FHIT: variants seen among roughly 807,000 people sequenced by gnomAD.
The protein encoded by FHIT is bis(5'-adenosyl)-triphosphatase.
Under a neutral mutation model 17.9 loss-of-function variants are expected in FHIT, and 19 were observed. That is an observed-to-expected ratio of 1.06 (90% confidence interval 0.74 to 1.56). The LOEUF (loss-of-function observed/expected upper bound fraction) is 1.56, where lower values mean the gene tolerates loss of function less well. Ranked by LOEUF, FHIT falls within the 40% of genes most tolerant of loss-of-function variation. FHIT has a pLI of 0.00. For missense variants in FHIT, 248 were observed against 189.2 expected (o/e 1.31, Z -1.82); for synonymous variants, 81 against 69.7 (o/e 1.16, Z -0.81).
intron 4 of FHIT, among the ~76,000 whole-genome samples, chr3:60,766,845 T>G (rs1408718262): frequency 5.3e-5 from 8 of 152,102 alleles, no homozygotes; most frequent in African/African-American, 1.9e-4. Context: ...ACAAGATCCT[T>G]ATCCCTGAAG....
chr3:60,064,071 T>A (rs1056985147), intron 5 of FHIT, among the ~76,000 whole-genome samples: 3 of 152,092 alleles, frequency 2.0e-5, no homozygotes, highest in African/African-American at 7.2e-5. Flanking sequence ...CAGAAGAAAC[T>A]TCACAATGGT....
chr3:60,238,364 C>A (rs1704924937), intron 5 of FHIT, among the ~76,000 whole-genome samples: 1 of 145,118 alleles, frequency 6.9e-6, no homozygotes, highest in Non-Finnish European at 1.5e-5. Context: ...TGTTTTAAAA[C>A]TATCCTATCT....
chr3:60,569,607 G>C (rs772879713), intron 4 of FHIT, among the ~76,000 whole-genome samples: 21 of 151,332 alleles, frequency 1.4e-4, no homozygotes, highest in Non-Finnish European at 2.9e-4. Context: ...TATTCCATCT[G>C]GCTAGCTAGG....
At chr3:60,243,821 G>A (rs1705255481) in intron 5 of FHIT, among the ~76,000 whole-genome samples, 1 of 151,972 alleles carries the variant, frequency 6.6e-6, no homozygotes, top group Non-Finnish European at 1.5e-5. Flanking sequence ...TTTAAAGCCA[G>A]GAAAGGAGAT....
rs113907007 is a variant in FHIT at position 59,820,505 on chromosome 3, A to G, written c.349-68184T>C. Among the ~76,000 whole-genome samples, 1,017 of 152,340 alleles carry G rather than the reference A, an allele frequency of 6.7e-3. 8 individuals carry two copies. Among genetic ancestry groups the G allele is most frequent in the African/African-American group, 0.023 (962 of 41,572 alleles). On this transcript the variant is annotated intron_variant, in intron 8 of 9. Coordinates refer to ENST00000492590, the MANE Select transcript of FHIT (RefSeq NM_002012.4). ...AAAATGTCTCACGATTTAGAACAGG[A>G]TGGGACAAACTACATCCCATGAACC...
chr3:60,550,331 GA>G (rs2036504013), intron 4 of FHIT, among the ~76,000 whole-genome samples: 2 of 70,852 alleles, frequency 2.8e-5, no homozygotes, highest in Non-Finnish European at 5.9e-5. Flanking sequence ...GAGGATCCTA[GA>G]AGAAGATAAC....
At chr3:60,864,360 G>A (rs1704065335) in intron 3 of FHIT, among the ~76,000 whole-genome samples, 1 of 152,158 alleles carries the variant, frequency 6.6e-6, no homozygotes, top group Admixed American at 6.6e-5. Context: ...CTATCGGTAA[G>A]TGGTGGAGCT....
At chr3:60,400,231 C>G (rs1309824999) in intron 5 of FHIT, among the ~76,000 whole-genome samples, 1 of 152,042 alleles carries the variant, frequency 6.6e-6, no homozygotes, top group Non-Finnish European at 1.5e-5. Flanking sequence ...GATACTATAG[C>G]AGGGTAAGAA....
At chr3:60,161,013 T>C (rs1353197426) in intron 5 of FHIT, among the ~76,000 whole-genome samples, 2 of 152,206 alleles carry the variant, frequency 1.3e-5, no homozygotes, top group African/African-American at 2.4e-5. Context: ...GTATTTCTTT[T>C]GTAAAATTCT....
At chr3:60,620,585 GAAAAAA>G (rs562373515) in intron 4 of FHIT, among the ~76,000 whole-genome samples, 3 of 134,184 alleles carry the variant, frequency 2.2e-5, no homozygotes, top group Non-Finnish European at 4.8e-5. Flanking sequence ...GGATACATTG[GAAAAAA>G]AAAAAAAACT....
rs969987270 is a variant in FHIT, at chr3:60,755,888, A to T, written c.-18+66031T>A. On this transcript the variant is annotated intron_variant, in intron 4 of 9. Transcript: ENST00000492590. ...GGTTTGAATGGAACTGATTTGAATCATTTAAGGAAAAAGGTTCCAGACAAA... is the reference window on the plus strand; with the variant it reads ...GGTTTGAATGGAACTGATTTGAATCTTTTAAGGAAAAAGGTTCCAGACAAA... Among the ~76,000 whole-genome samples the T allele has an allele frequency of 3.3e-5, 5 of 152,360 alleles. No homozygotes were observed. In the South Asian group the frequency reaches 1.0e-3, roughly 32 times the overall value.
At chr3:60,441,890 G>C (rs1183241844) in intron 5 of FHIT, among the ~76,000 whole-genome samples, 2 of 137,172 alleles carry the variant, frequency 1.5e-5, no homozygotes, top group Non-Finnish European at 3.1e-5. Flanking sequence ...ACAAGGACTC[G>C]CTCTGTCACC....
intron 2 of FHIT, among the ~76,000 whole-genome samples, chr3:61,169,895 G>C (rs949218797): frequency 6.6e-6 from 1 of 152,140 alleles, no homozygotes; most frequent in Non-Finnish European, 1.5e-5. Context: ...CTACTAAGAG[G>C]AGTAAGGGAA....
intron 4 of FHIT, among the ~76,000 whole-genome samples, chr3:60,741,472 G>A (rs2042240115): frequency 6.6e-6 from 1 of 152,228 alleles, no homozygotes; most frequent in Admixed American, 6.5e-5. Context: ...ACTGACCAAT[G>A]AGAAAGGTGT....
intron 4 of FHIT, among the ~76,000 whole-genome samples, chr3:60,624,491 T>C (rs72889673): frequency 0.011 from 1,660 of 152,252 alleles, 38 homozygotes; most frequent in African/African-American, 0.038. Context: ...TTTATAGTTT[T>C]ATAAATATAG....
intron 5 of FHIT, among the ~76,000 whole-genome samples, chr3:60,197,435 C>T (rs1213797527): frequency 6.6e-6 from 1 of 152,128 alleles, no homozygotes; most frequent in Non-Finnish European, 1.5e-5. Flanking sequence ...ATCTCATGTG[C>T]CTTGCATTAT....
intron 1 of FHIT, among the ~76,000 whole-genome samples, chr3:61,221,151 C>T (rs932868197): frequency 3.9e-5 from 6 of 152,226 alleles, no homozygotes; most frequent in African/African-American, 1.4e-4. Flanking sequence ...AATGGGTAAG[C>T]AGTAAATTGT....
At position 60,398,787 on chromosome 3, in the gene FHIT, T is replaced by C. The variant is rs189344422; in HGVS notation, c.103+138073A>G. ...GGAATCTATTTGATTTCATAGGAGT[T>C]AAGAAAATAATATATATACCACATA... On this transcript the variant is annotated intron_variant, in intron 5 of 9. Coordinates refer to ENST00000492590, the MANE Select transcript of FHIT (RefSeq NM_002012.4). Among the ~76,000 whole-genome samples, 14 of 152,186 alleles carry C rather than the reference T, an allele frequency of 9.2e-5. No homozygotes were observed. The East Asian group carries it at 2.5e-3, about 27-fold the overall frequency.
At chr3:60,354,928 T>G (rs1277223181) in intron 5 of FHIT, among the ~76,000 whole-genome samples, 1 of 152,198 alleles carries the variant, frequency 6.6e-6, no homozygotes, top group Non-Finnish European at 1.5e-5. Flanking sequence ...CGGGAGTCTG[T>G]GACTACTTAT....
Sources: gnomAD v4.1 joint callset for allele counts (sites outside exome capture counted in the v4.1 genomes callset) on GRCh38, gnomAD v4.1.1 for gene constraint, MANE v1.5 for transcripts, NCBI Gene and HGNC (gene_info 2026-07-23, HGNC 2026-07-21) for gene names.